Variants in RHBDL2 observed in about 807,000 individuals in gnomAD.
RHBDL2 encodes rhomboid-related protein 2.
In RHBDL2, 26 loss-of-function variants were observed where a neutral mutation model predicts 31.7. The observed-to-expected ratio is 0.82, with a 90% CI of 0.60 to 1.14. RHBDL2 has a LOEUF of 1.14. Ranked by LOEUF, RHBDL2 falls within the 50% of genes most tolerant of loss-of-function variation. RHBDL2 has a pLI of 0.00. For missense variants in RHBDL2, 336 were observed against 364.4 expected (o/e 0.92, Z 0.63); for synonymous variants, 123 against 127.2 (o/e 0.97, Z 0.22).
At chr1:38,890,218 A>G (rs908936812) in intron 6 of RHBDL2, among the ~76,000 whole-genome samples, 1 of 151,828 alleles carries the variant, frequency 6.6e-6, no homozygotes, top group African/African-American at 2.4e-5. Context: ...TTGTATTTTT[A>G]GTAGAGACGG....
chr1:38,936,934 G>A (rs1416525826), intron 1 of RHBDL2, among the ~76,000 whole-genome samples: 3 of 147,372 alleles, frequency 2.0e-5, no homozygotes, highest in Non-Finnish European at 3.0e-5. Context: ...ATGCCTGGCC[G>A]AGTATTCTCG....
intron 1 of RHBDL2, among the ~76,000 whole-genome samples, chr1:38,919,869 C>G (rs1240731529): frequency 6.6e-6 from 1 of 151,984 alleles, no homozygotes; most frequent in African/African-American, 2.4e-5. Context: ...CCACCGAAGC[C>G]GGCCCTGTTT....
chr1:38,930,338 G>A (rs1024203139), intron 1 of RHBDL2, among the ~76,000 whole-genome samples: 9 of 152,172 alleles, frequency 5.9e-5, no homozygotes, highest in African/African-American at 2.2e-4. Context: ...CATTTTACAG[G>A]TAAATAACTA....
intron 1 of RHBDL2, among the ~76,000 whole-genome samples, chr1:38,925,050 G>A (rs983010303): frequency 1.3e-4 from 20 of 151,462 alleles, no homozygotes; most frequent in African/African-American, 4.4e-4. Context: ...TAAAGTGCTG[G>A]GATTATAGGC....
chr1:38,921,575 C>T (rs921212385), intron 1 of RHBDL2, among the ~76,000 whole-genome samples: 9 of 152,064 alleles, frequency 5.9e-5, no homozygotes, highest in Non-Finnish European at 8.8e-5. Flanking sequence ...TCAAATGAAA[C>T]TCATTAGGCA....
chr1:38,921,083 G>A (rs1225621432), intron 1 of RHBDL2, among the ~76,000 whole-genome samples: 1 of 152,154 alleles, frequency 6.6e-6, no homozygotes, highest in Admixed American at 6.5e-5. Flanking sequence ...TTGCCGGGAA[G>A]CTTACTTGAG....
At chr1:38,911,701 G>C (rs1643150392) in intron 3 of RHBDL2, among the ~76,000 whole-genome samples, 1 of 151,728 alleles carries the variant, frequency 6.6e-6, no homozygotes, top group Non-Finnish European at 1.5e-5. Context: ...GTGCAGTGGT[G>C]CAATCTCTGC....
chr1:38,903,893 T>C (rs1435302226), intron 4 of RHBDL2, among the ~76,000 whole-genome samples: 1 of 152,060 alleles, frequency 6.6e-6, no homozygotes, highest in Non-Finnish European at 1.5e-5. Flanking sequence ...GAATAGAACC[T>C]CCAGAAATTA....
At chr1:38,915,839 G>A (rs948492078) in intron 2 of RHBDL2, 129 bp from the exon 3 acceptor site, 1 of 776,646 alleles carries the variant, frequency 1.3e-6, no homozygotes, top group Non-Finnish European at 2.1e-6. Context: ...GCCAGAAGGT[G>A]ACATGAAATA....
intron 1 of RHBDL2, among the ~76,000 whole-genome samples, chr1:38,931,629 G>A (rs1209770610): frequency 2.0e-5 from 3 of 151,740 alleles, no homozygotes; most frequent in African/African-American, 7.3e-5. Flanking sequence ...GAATGCTTAT[G>A]TGATGTGTGC....
chr1:38,888,329 G>C (rs965950554), intron 6 of RHBDL2, among the ~76,000 whole-genome samples: 2 of 151,398 alleles, frequency 1.3e-5, no homozygotes, highest in African/African-American at 2.4e-5. Flanking sequence ...CTGACTCATG[G>C]AGCTGACAAA....
intron 6 of RHBDL2, among the ~76,000 whole-genome samples, chr1:38,890,568 G>A (rs1199908064): frequency 6.6e-6 from 1 of 152,040 alleles, no homozygotes; most frequent in East Asian, 1.9e-4. Flanking sequence ...CTTCCTAGGG[G>A]ACTTTTCTTC....
At chr1:38,898,565 G>C (rs1642947638) in intron 4 of RHBDL2, among the ~76,000 whole-genome samples, 1 of 152,186 alleles carries the variant, frequency 6.6e-6, no homozygotes, top group African/African-American at 2.4e-5. Flanking sequence ...TAAACCCTTA[G>C]AGACAGGGAA....
At chr1:38,921,917 C>A (rs193182662) in intron 1 of RHBDL2, among the ~76,000 whole-genome samples, 6 of 152,170 alleles carry the variant, frequency 3.9e-5, no homozygotes, top group South Asian at 2.1e-4. Flanking sequence ...TTGTATAAAT[C>A]AGCCTTTTTG....
rs1642875429 is a variant in RHBDL2, at chr1:38,893,201, G to A, written c.633C>T (p.Ala211=). Reference sequence around the variant, plus strand: ...TGATCAGCAGTCTGAAAATTCCAAAGGCAGGAATCATTTCTTGAAAATTCT... The same window carrying A: ...TGATCAGCAGTCTGAAAATTCCAAAAGCAGGAATCATTTCTTGAAAATTCT... ...VLVNFQEMIP[A]FGIFRLLIII... is the part of the protein sequence containing the mutation. Residue 211 remains alanine (A), a synonymous_variant, in exon 6 of 8, where the codon GCC becomes GCT. Transcript: ENST00000372990. 3.8e-6 allele frequency: 6 copies of A among 1,569,024 alleles called. No individual in the cohort carries two copies. In the East Asian group the frequency reaches 1.3e-4, roughly 35 times the overall value.
chr1:38,934,937 G>A (rs1210915831), intron 1 of RHBDL2, among the ~76,000 whole-genome samples: 1 of 143,828 alleles, frequency 7.0e-6, no homozygotes, highest in Non-Finnish European at 1.5e-5. Context: ...CAGCCTGGGT[G>A]ACAAAGCTAG....
chr1:38,937,483 A>T (rs1339124785), intron 1 of RHBDL2, among the ~76,000 whole-genome samples: 1 of 152,136 alleles, frequency 6.6e-6, no homozygotes, highest in African/African-American at 2.4e-5. Flanking sequence ...GGAGAACTTA[A>T]AAGAATCCAG....
chr1:38,892,583 G>A (rs373438593), intron 6 of RHBDL2, among the ~76,000 whole-genome samples: 37 of 152,244 alleles, frequency 2.4e-4, no homozygotes, highest in African/African-American at 7.7e-4. Flanking sequence ...TCTAACTGTA[G>A]GCTTGCAGTT....
chr1:38,934,876 T>G (rs1395881501), intron 1 of RHBDL2, among the ~76,000 whole-genome samples: 1 of 151,270 alleles, frequency 6.6e-6, no homozygotes, highest in Middle Eastern at 3.2e-3. Context: ...GAGAATCACT[T>G]GAACCCAGGA....
Sources: allele counts gnomAD v4.1 joint callset (sites outside exome capture counted in the v4.1 genomes callset), GRCh38; gene constraint gnomAD v4.1.1; transcripts MANE v1.5; gene names NCBI Gene and HGNC (gene_info 2026-07-23, HGNC 2026-07-21).